Variants in AUTS2 observed in about 807,000 individuals in gnomAD.
The protein encoded by AUTS2 is autism susceptibility gene 2 protein.
Under a neutral mutation model 112.4 loss-of-function variants are expected in AUTS2, and 17 were observed. The ratio of observed to expected loss-of-function variants is 0.15; its 90% confidence interval spans 0.10 to 0.23. The LOEUF (loss-of-function observed/expected upper bound fraction) is 0.23. Among genes scored for constraint, AUTS2 ranks in the 10% least tolerant of loss-of-function variants. AUTS2 has a pLI of 1.00. For missense variants in AUTS2, 1,510 were observed against 1,701.6 expected, an observed-to-expected ratio of 0.89 and a Z score of 1.98; for synonymous variants, 751 against 702.7, an observed-to-expected ratio of 1.07 and a Z score of -1.09.
At chr7:70,141,562 T>A (rs971061541) in intron 4 of AUTS2, among the ~76,000 whole-genome samples, 2 of 152,310 alleles carry the variant, frequency 1.3e-5, no homozygotes, top group African/African-American at 4.8e-5. Context: ...TGAAACATTG[T>A]CACATTTTTT....
At chr7:70,258,769 C>G (rs770851991) in intron 4 of AUTS2, among the ~76,000 whole-genome samples, 5 of 152,264 alleles carry the variant, frequency 3.3e-5, no homozygotes, top group Middle Eastern at 3.4e-3. Flanking sequence ...AGGTAAACTT[C>G]AAAAGTGACT....
chr7:70,675,720 G>A (rs1198057756), intron 5 of AUTS2, among the ~76,000 whole-genome samples: 1 of 152,150 alleles, frequency 6.6e-6, no homozygotes, highest in Non-Finnish European at 1.5e-5. Context: ...ACTTGGCAGG[G>A]ACAAAAGCAC....
intron 4 of AUTS2, among the ~76,000 whole-genome samples, chr7:70,353,864 G>C (rs1406440202): frequency 3.3e-5 from 5 of 152,158 alleles, no homozygotes; most frequent in African/African-American, 7.2e-5. Flanking sequence ...ATCCTCTCTT[G>C]TTGTCAGCTC....
chr7:69,616,642 C>A (rs987321764), intron 1 of AUTS2, among the ~76,000 whole-genome samples: 1 of 152,150 alleles, frequency 6.6e-6, no homozygotes, highest in Non-Finnish European at 1.5e-5. Flanking sequence ...TAAGTGAAAT[C>A]GCAGAATGGA....
At chr7:70,157,270 C>G (rs1193158165) in intron 4 of AUTS2, among the ~76,000 whole-genome samples, 1 of 151,674 alleles carries the variant, frequency 6.6e-6, no homozygotes, top group Non-Finnish European at 1.5e-5. Context: ...TGTATGCTCT[C>G]TTTTTCTCCT....
At chr7:70,512,363 C>T (rs1199954274) in intron 5 of AUTS2, among the ~76,000 whole-genome samples, 1 of 152,136 alleles carries the variant, frequency 6.6e-6, no homozygotes, top group Non-Finnish European at 1.5e-5. Context: ...GAAGCCAGAC[C>T]ACTTGGAGGG....
chr7:70,015,589 C>T (rs1584581197), intron 2 of AUTS2, among the ~76,000 whole-genome samples: 1 of 152,104 alleles, frequency 6.6e-6, no homozygotes, highest in Non-Finnish European at 1.5e-5. Context: ...TAACACAACC[C>T]ATGTTGTGAG....
chr7:70,128,087 G>A (rs573190651), intron 3 of AUTS2, among the ~76,000 whole-genome samples: 2 of 152,006 alleles, frequency 1.3e-5, no homozygotes, highest in Admixed American at 6.6e-5. Flanking sequence ...ATCTAATCTC[G>A]ACCTGACAAG....
intron 5 of AUTS2, among the ~76,000 whole-genome samples, chr7:70,624,934 C>T (rs1253495435): frequency 6.6e-6 from 1 of 152,096 alleles, no homozygotes; most frequent in Non-Finnish European, 1.5e-5. Context: ...GAATTTTGTC[C>T]AGCAGGGAGG....
chr7:70,307,735 C>G (rs1789551012), intron 4 of AUTS2, among the ~76,000 whole-genome samples: 1 of 152,120 alleles, frequency 6.6e-6, no homozygotes, highest in African/African-American at 2.4e-5. Flanking sequence ...CACTGCCTTG[C>G]AGTAATCAAG....
At chr7:69,737,500 C>T (rs1315758868) in intron 1 of AUTS2, among the ~76,000 whole-genome samples, 1 of 151,972 alleles carries the variant, frequency 6.6e-6, no homozygotes, top group Non-Finnish European at 1.5e-5. Context: ...TTTGCCTAGT[C>T]CGGGTTATCT....
intron 4 of AUTS2, among the ~76,000 whole-genome samples, chr7:70,185,844 T>C (rs1367422695): frequency 2.0e-5 from 3 of 152,220 alleles, no homozygotes; most frequent in Non-Finnish European, 4.4e-5. Context: ...CAGTGGGGCC[T>C]ACGTGCCCTG....
chr7:70,528,105 T>TTA (rs57847664), intron 5 of AUTS2, among the ~76,000 whole-genome samples: 26,821 of 112,696 alleles, frequency 0.24, 2,888 homozygotes, highest in Middle Eastern at 0.36. Flanking sequence ...TTTTTTTTTT[T>TTA]TTTTTTTTTT....
At chr7:70,048,747 CA>C (rs1801614760) in intron 2 of AUTS2, among the ~76,000 whole-genome samples, 1 of 152,074 alleles carries the variant, frequency 6.6e-6, no homozygotes, top group Non-Finnish European at 1.5e-5. Flanking sequence ...AGGTCCTTGT[CA>C]AAACTGTTTT....
intron 1 of AUTS2, among the ~76,000 whole-genome samples, chr7:69,733,631 T>G (rs1386930643): frequency 6.6e-6 from 1 of 152,178 alleles, no homozygotes; most frequent in East Asian, 1.9e-4. Context: ...TTTTATTTTT[T>G]ACAATGCCTG....
At chr7:69,715,385 T>TC (rs1382849433) in intron 1 of AUTS2, among the ~76,000 whole-genome samples, 1 of 152,140 alleles carries the variant, frequency 6.6e-6, no homozygotes, top group Admixed American at 6.5e-5. Context: ...CAGAAGGCAA[T>TC]CAAGGACATA....
chr7:70,430,390 A>G (rs1795606590), intron 4 of AUTS2, among the ~76,000 whole-genome samples: 1 of 152,238 alleles, frequency 6.6e-6, no homozygotes, highest in Non-Finnish European at 1.5e-5. Flanking sequence ...TCATCTGTAC[A>G]TACTTGGTAC....
intron 2 of AUTS2, among the ~76,000 whole-genome samples, chr7:70,056,550 A>G (rs944024639): frequency 2.0e-5 from 3 of 152,210 alleles, no homozygotes; most frequent in African/African-American, 7.2e-5. Flanking sequence ...GGAGCTGATA[A>G]GTGCTCAATG....
At chr7:69,997,787 G>C (rs1296638763) in intron 2 of AUTS2, among the ~76,000 whole-genome samples, 1 of 152,106 alleles carries the variant, frequency 6.6e-6, no homozygotes, top group Non-Finnish European at 1.5e-5. Context: ...CCTATGCCCA[G>C]CTTCAACATT....
Sources: allele counts gnomAD v4.1 joint callset (sites outside exome capture counted in the v4.1 genomes callset), GRCh38; gene constraint gnomAD v4.1.1; transcripts MANE v1.5; gene names NCBI Gene and HGNC (gene_info 2026-07-23, HGNC 2026-07-21).